The following RABGAP1L variants were observed in gnomAD, a reference collection of about 807,000 sequenced individuals.
RABGAP1L encodes the protein rab GTPase-activating protein 1-like.
A neutral mutation model predicts 137.7 loss-of-function variants in RABGAP1L; 63 were observed. The ratio of observed to expected loss-of-function variants is 0.46; its 90% CI spans 0.37 to 0.56. The LOEUF (loss-of-function observed/expected upper bound fraction) is 0.56. Among genes scored for constraint, RABGAP1L ranks in the 20% least tolerant of loss-of-function variants. The pLI is 0.00. For synonymous variants in RABGAP1L, 431 were observed against 433.7 expected, an observed-to-expected ratio of 0.99 and a Z score of 0.08; for missense variants, 1,095 against 1,244.0, an observed-to-expected ratio of 0.88 and a Z score of 1.80.
intron 14 of RABGAP1L, among the ~76,000 whole-genome samples, chr1:174,650,106 C>T (rs1675338347): frequency 6.6e-6 from 1 of 152,084 alleles, no homozygotes; most frequent in South Asian, 2.1e-4. Flanking sequence ...TGGTTTTTAT[C>T]TTTGGTTCTG....
At chr1:174,349,696 C>T (rs1682887713) in intron 11 of RABGAP1L, among the ~76,000 whole-genome samples, 1 of 138,414 alleles carries the variant, frequency 7.2e-6, no homozygotes, top group Non-Finnish European at 1.6e-5. Context: ...GACACCCCCA[C>T]CTCCCTCCCG....
chr1:174,222,015 T>C (rs1669792791), intron 3 of RABGAP1L, among the ~76,000 whole-genome samples: 1 of 148,874 alleles, frequency 6.7e-6, no homozygotes, highest in South Asian at 2.1e-4. Context: ...TTTTTTGTAG[T>C]GATGGGGTTT....
intron 13 of RABGAP1L, among the ~76,000 whole-genome samples, chr1:174,574,057 C>G (rs1256114715): frequency 6.6e-6 from 1 of 152,194 alleles, no homozygotes; most frequent in East Asian, 1.9e-4. Context: ...AAGAGGCATG[C>G]TAATTACGGG....
intron 19 of RABGAP1L, among the ~76,000 whole-genome samples, chr1:174,940,082 C>T (rs1012440205): frequency 6.6e-6 from 1 of 152,122 alleles, no homozygotes; most frequent in African/African-American, 2.4e-5. Context: ...AGGAATAGCT[C>T]ATAACAGCCA....
At chr1:174,454,447 A>G (rs1655804561) in intron 13 of RABGAP1L, among the ~76,000 whole-genome samples, 1 of 152,036 alleles carries the variant, frequency 6.6e-6, no homozygotes, top group African/African-American at 2.4e-5. Flanking sequence ...AAACTTGACA[A>G]CCTTCTACTT....
chr1:174,984,057 C>CAA (rs1163719976), intron 24 of RABGAP1L, among the ~76,000 whole-genome samples: 29 of 115,036 alleles, frequency 2.5e-4, no homozygotes, highest in South Asian at 1.4e-3. Context: ...TTTCTTCTAA[C>CAA]AAAAAAAAAA....
chr1:174,989,679 G>A (rs1671917089), intron 25 of RABGAP1L, among the ~76,000 whole-genome samples, 170 bp from the exon 26 acceptor site: 1 of 152,120 alleles, frequency 6.6e-6, no homozygotes, highest in Non-Finnish European at 1.5e-5. Flanking sequence ...AAGTCTTTTA[G>A]CTCTTAACTT....
chr1:174,514,850 T>C lies in RABGAP1L; in HGVS notation c.1710+120705T>C, dbSNP rs77358068. ...CTGTTGCAGTACTTCTCAATCATTT[T>C]AGTCTTAGAACTGCTTTATATGCTT... On this transcript the variant is annotated intron_variant, in intron 13 of 25. Transcript: ENST00000681986. 1.3e-3 allele frequency among the ~76,000 whole-genome samples: 199 copies of C among 152,346 alleles called. 1 individual carries two copies. The highest frequency in any genetic ancestry group is 4.5e-3 in the African/African-American group (186 of 41,592).
At chr1:174,511,538 T>A (rs1662340429) in intron 13 of RABGAP1L, among the ~76,000 whole-genome samples, 1 of 152,096 alleles carries the variant, frequency 6.6e-6, no homozygotes, top group South Asian at 2.1e-4. Flanking sequence ...TGAGCATGCT[T>A]CTTTCATTTG....
rs149269679 is a variant in RABGAP1L, at chr1:174,330,146, GA to G, written c.1465+25023del. Among the ~76,000 whole-genome samples the G allele has an allele frequency of 7.2e-5, 11 of 152,160 alleles. No homozygotes were observed. In the East Asian group the frequency reaches 2.1e-3, roughly 29 times the overall value. On this transcript the variant is annotated intron_variant, in intron 11 of 25. Transcript: ENST00000681986. ...TGCAGACAATATGATTATCTATACA[GA>G]AAACCCTAAAGACTCCACCAAAAAC...
intron 13 of RABGAP1L, among the ~76,000 whole-genome samples, chr1:174,540,205 A>G (rs893892613): frequency 6.6e-6 from 1 of 152,180 alleles, no homozygotes; most frequent in African/African-American, 2.4e-5. Context: ...CCTTTGTCAG[A>G]TGGGTAGATT....
intron 15 of RABGAP1L, among the ~76,000 whole-genome samples, chr1:174,685,454 C>T (rs1198074505): frequency 1.3e-5 from 2 of 152,032 alleles, no homozygotes; most frequent in African/African-American, 2.4e-5. Context: ...GGGGTTTCAC[C>T]ATGTTAGCCA....
chr1:174,619,289 T>C (rs1357987096), intron 13 of RABGAP1L, among the ~76,000 whole-genome samples: 2 of 151,954 alleles, frequency 1.3e-5, no homozygotes, highest in Non-Finnish European at 2.9e-5. Flanking sequence ...ATATAGAGAA[T>C]GCCACAAAGA....
intron 14 of RABGAP1L, among the ~76,000 whole-genome samples, chr1:174,660,384 G>T (rs1424048732): frequency 6.6e-6 from 1 of 152,118 alleles, no homozygotes; most frequent in Admixed American, 6.5e-5. Flanking sequence ...ACCATGGAAT[G>T]GTCAACAGGT....
intron 19 of RABGAP1L, among the ~76,000 whole-genome samples, chr1:174,943,702 G>A (rs1008550493): frequency 1.1e-4 from 16 of 151,800 alleles, no homozygotes; most frequent in Admixed American, 2.0e-4. Context: ...ATGTGGTGGC[G>A]GGCACCTGTA....
intron 13 of RABGAP1L, among the ~76,000 whole-genome samples, chr1:174,521,594 G>A (rs1315206814): frequency 6.6e-6 from 1 of 152,204 alleles, no homozygotes; most frequent in African/African-American, 2.4e-5. Context: ...AATTGCAAGG[G>A]CAAAGAAAAT....
intron 19 of RABGAP1L, among the ~76,000 whole-genome samples, chr1:174,939,512 C>T (rs549277124): frequency 1.5e-4 from 22 of 148,260 alleles, no homozygotes; most frequent in Admixed American, 1.0e-3. Context: ...GCTGAGATTG[C>T]GCCAGCCTGG....
intron 17 of RABGAP1L, among the ~76,000 whole-genome samples, chr1:174,702,591 T>C (rs1183018699): frequency 6.6e-6 from 1 of 152,150 alleles, no homozygotes; most frequent in African/African-American, 2.4e-5. Flanking sequence ...ATTGGGTGTT[T>C]TTTAATATTA....
intron 10 of RABGAP1L, among the ~76,000 whole-genome samples, chr1:174,300,281 T>C (rs1030723120): frequency 6.6e-6 from 1 of 151,952 alleles, no homozygotes; most frequent in African/African-American, 2.4e-5. Flanking sequence ...ATCCCAGCAC[T>C]TTGGGAGGCC....
Sources: allele counts gnomAD v4.1 joint callset (sites outside exome capture counted in the v4.1 genomes callset), GRCh38; gene constraint gnomAD v4.1.1; transcripts MANE v1.5; gene names NCBI Gene and HGNC (gene_info 2026-07-23, HGNC 2026-07-21).